Variants in LMLN observed in about 807,000 individuals in gnomAD.
LMLN encodes leishmanolysin-like peptidase.
In LMLN, 70 loss-of-function variants were observed where a neutral mutation model predicts 92.3. The observed-to-expected ratio is 0.76, with a 90% confidence interval of 0.63 to 0.92. The LOEUF (loss-of-function observed/expected upper bound fraction) is 0.92, where lower values mean the gene tolerates loss of function less well. Ranked by LOEUF, LMLN falls within the 40% of genes least tolerant of loss-of-function variation. The pLI is 0.00. For missense variants in LMLN, 691 were observed against 814.6 expected (o/e 0.85, Z 1.85); for synonymous variants, 308 against 296.2 (o/e 1.04, Z -0.41).
At chr3:197,966,219 T>A (rs1220864325) in intron 1 of LMLN, among the ~76,000 whole-genome samples, 2 of 152,132 alleles carry the variant, frequency 1.3e-5, no homozygotes, top group Non-Finnish European at 2.9e-5. Context: ...ATTTTTGTAT[T>A]TTTAGTAGAG....
chr3:198,001,197 T>C (rs953989980), intron 11 of LMLN, among the ~76,000 whole-genome samples: 2 of 152,208 alleles, frequency 1.3e-5, no homozygotes, highest in African/African-American at 2.4e-5. Context: ...TTCAAATGTT[T>C]TGTTTTAGTA....
chr3:198,021,587 A>G, exon 13 of LMLN: 6 of 1,614,062 alleles, frequency 3.7e-6, no homozygotes, highest in Non-Finnish European at 5.1e-6. Context: ...AGATTGTAGA[A>G]TATTGGAAAA....
intron 14 of LMLN, among the ~76,000 whole-genome samples, chr3:198,027,938 G>T (rs1018378389): frequency 1.3e-5 from 2 of 152,122 alleles, no homozygotes; most frequent in Non-Finnish European, 2.9e-5. Context: ...TAGGTTTTTT[G>T]TTGTTGTTGT....
At chr3:197,992,727 C>T (rs1721910456) in intron 9 of LMLN, among the ~76,000 whole-genome samples, 2 of 152,168 alleles carry the variant, frequency 1.3e-5, no homozygotes, top group South Asian at 4.1e-4. Context: ...ATAATCCAGT[C>T]CTTCTCAAAC....
At chr3:197,974,499 C>T (rs773421926) in intron 2 of LMLN, 25 bp downstream of exon 2, 1 of 1,129,530 alleles carries the variant, frequency 8.9e-7, no homozygotes, top group Admixed American at 2.7e-5. Context: ...GTATTGTCAT[C>T]TTTTTCATTA....
intron 10 of LMLN, among the ~76,000 whole-genome samples, 175 bp from the exon 11 acceptor site, chr3:197,999,091 A>G (rs1722102417): frequency 6.6e-6 from 1 of 152,234 alleles, no homozygotes; most frequent in Admixed American, 6.5e-5. Flanking sequence ...AATAGATTTC[A>G]CTTCAAGGTT....
rs1021440504 is a variant in LMLN, at chr3:198,025,936, T to A, written c.1656+1148T>A. Among the ~76,000 whole-genome samples, 4 of 152,178 alleles carry A rather than the reference T, an allele frequency of 2.6e-5. No homozygotes were observed. The highest frequency in any genetic ancestry group is 9.7e-5 in the African/African-American group (4 of 41,444). ...ATTAGTTACTTATCAAATTAACGTT[T>A]TTTTTGGTAACTGCTTTTCTTCTTT... On this transcript the variant is annotated intron_variant, in intron 14 of 15. Transcript: ENST00000330198. The surrounding 1 kb of genome is among the most constrained non-coding windows in gnomAD (Gnocchi z 4.3).
chr3:197,976,689 G>A (rs770886210), exon 5 of LMLN: 36 of 1,553,630 alleles, frequency 2.3e-5, no homozygotes, highest in African/African-American at 2.7e-5. Flanking sequence ...GTGCGGCCCC[G>A]TTATTGTTCC....
chr3:197,974,922 C>A, intron 2 of LMLN, 120 bp from the exon 3 acceptor site: 1 of 692,724 alleles, frequency 1.4e-6, no homozygotes. Context: ...AAAAGAATGG[C>A]TGCTCCATAG....
intron 9 of LMLN, among the ~76,000 whole-genome samples, chr3:197,995,504 T>C (rs1721991371): frequency 6.6e-6 from 1 of 152,156 alleles, no homozygotes; most frequent in South Asian, 2.1e-4. Flanking sequence ...ATACCTAATG[T>C]TTTCACATTT....
At chr3:198,016,948 G>T (rs571640488) in intron 11 of LMLN, among the ~76,000 whole-genome samples, 5 of 152,162 alleles carry the variant, frequency 3.3e-5, no homozygotes, top group African/African-American at 1.2e-4. Flanking sequence ...CCATGTTCCT[G>T]TCATCTTCCC....
At chr3:197,988,971 C>T (rs1159014174) in intron 8 of LMLN, among the ~76,000 whole-genome samples, 3 of 152,208 alleles carry the variant, frequency 2.0e-5, no homozygotes. Context: ...GTGTGAGCCA[C>T]TGCACCTGGC....
At position 198,020,766 on chromosome 3, in the gene LMLN, G is replaced by GTT. The variant is rs1260852398; in HGVS notation, c.1366-679_1366-678insTT. ...GCGCCACCACACCCAGCTAATTTTTGTATTTTTTTTTTTTTTTTTTTTTTT... is the reference window on the plus strand; with the variant it reads ...GCGCCACCACACCCAGCTAATTTTTGTTTATTTTTTTTTTTTTTTTTTTTTTT... On this transcript the variant is annotated intron_variant, in intron 12 of 15. Transcript: ENST00000330198. Among the ~76,000 whole-genome samples the GTT allele has an allele frequency of 7.4e-4, 19 of 25,628 alleles. No individual in the cohort carries two copies. The South Asian group carries it at 7.8e-3, about 10-fold the overall frequency. 16.8% of individuals were successfully genotyped at this position (25,628 alleles called of 152,430 possible).
chr3:197,996,732 A>G (rs969991134), intron 10 of LMLN, among the ~76,000 whole-genome samples: 12 of 152,224 alleles, frequency 7.9e-5, no homozygotes, highest in African/African-American at 2.9e-4. Flanking sequence ...CAGATTTTCA[A>G]TAAATGAAGT....
At position 198,031,613 on chromosome 3, in the gene LMLN, T is replaced by C. The variant is rs949070959; in HGVS notation, c.1657-4220T>C. ...TTTTCCATCAGAATTCTGAAAGCAT[T>C]TTTCCTTTGTGTGCTGACTGTCAGT... On this transcript the variant is annotated intron_variant, in intron 14 of 15. Transcript: ENST00000330198. The surrounding 1 kb of genome is among the most constrained non-coding windows in gnomAD (Gnocchi z 4.8). Among the ~76,000 whole-genome samples, 2 of 152,132 alleles carry C rather than the reference T, an allele frequency of 1.3e-5. No individual in the cohort carries two copies. The highest frequency in any genetic ancestry group is 2.9e-5 in the Non-Finnish European group (2 of 68,020).
exon 6 of LMLN, chr3:197,980,389 G>A: frequency 6.2e-7 from 1 of 1,614,068 alleles, no homozygotes; most frequent in East Asian, 2.2e-5. Context: ...AGACCAAGAA[G>A]GCATCTCAGA....
chr3:197,997,062 TTCTC>T (rs1294578030), intron 10 of LMLN, among the ~76,000 whole-genome samples: 1 of 147,764 alleles, frequency 6.8e-6, no homozygotes, highest in Non-Finnish European at 1.5e-5. Context: ...CCTTCTTTCT[TTCTC>T]TCTTTCTTTC....
rs1309194136 is a variant in LMLN, at chr3:197,980,506, T to C, written c.728+2T>C. The C allele has an allele frequency of 1.2e-6, 2 of 1,610,350 alleles. No individual in the cohort carries two copies. ...TCAGCAGGAAGCAAACATGGACAGG[T>C]AATCTTTCCTCCGGGACTTAGTTTC... On this transcript the variant is annotated splice_donor_variant, in intron 6 of 15. Transcript: ENST00000330198. LOFTEE classifies it high-confidence loss of function.
chr3:197,985,143 A>C (rs1315328026), intron 7 of LMLN, among the ~76,000 whole-genome samples: 1 of 152,156 alleles, frequency 6.6e-6, no homozygotes, highest in Admixed American at 6.6e-5. Context: ...TTTTTAAGTA[A>C]ATTTATTGTA....
Sources: allele counts gnomAD v4.1 joint callset (sites outside exome capture counted in the v4.1 genomes callset), GRCh38; gene constraint gnomAD v4.1.1; non-coding constraint Gnocchi (gnomAD v3.1); transcripts MANE v1.5; gene names NCBI Gene and HGNC (gene_info 2026-07-23, HGNC 2026-07-21).